Variants in FSIP2 observed in about 807,000 individuals in gnomAD.
FSIP2 encodes fibrous sheath interacting protein 2.
FSIP2 carries 367 observed loss-of-function variants against 510.5 expected under a neutral mutation model. That is an observed-to-expected ratio of 0.72 (90% CI 0.66 to 0.78). FSIP2 has a LOEUF of 0.78. FSIP2 is among the 30% of genes least tolerant of loss of function. The pLI, the probability that FSIP2 is intolerant of heterozygous loss-of-function variation, is 0.00. For synonymous variants in FSIP2, 2,601 were observed against 2,732.2 expected (o/e 0.95, Z 1.50); for missense variants, 7,594 against 7,901.7 (o/e 0.96, Z 1.48).
chr2:185,738,918 C>A lies in FSIP2; in HGVS notation c.24C>A (p.Cys8Ter), dbSNP rs1418229327. 5 of 1,534,984 alleles carry A rather than the reference C, an allele frequency of 3.3e-6. No homozygotes were observed. Among genetic ancestry groups the A allele is most frequent in the Non-Finnish European group, 4.4e-6 (5 of 1,146,712 alleles). The stretch of plus-strand genomic sequence containing the variant: ...CCATGGAGCTGTACCTCGGCGCCTG[C>A]TCCAAGCCTGCCAAAGTCGCCGTCA... MELYLGA[C>*]SKPAKVAVTK... Residue 8 changes from cysteine (C) to a stop codon, truncating the protein, a stop_gained, in exon 1 of 23, where the codon TGC becomes TGA. Transcript: ENST00000424728. LOFTEE classifies it high-confidence loss of function.
Position 185,807,382 on chromosome 2 carries a change from TCAA to T in FSIP2, c.18080_18082del (p.Thr6027del). 1.2e-6 allele frequency: 2 copies of T among 1,608,664 alleles called. No individual in the cohort carries two copies. The highest frequency in any genetic ancestry group is 1.7e-6 in the Non-Finnish European group (2 of 1,178,376). On this transcript the variant is annotated inframe_deletion, in exon 17 of 23. Coordinates refer to ENST00000424728, the MANE Select transcript of FSIP2 (RefSeq NM_173651.4). ...TTCTGCTCTTTTCTCCAAAATTTTCTCAACAATATCCAGCACAAAAACAAAAGA... is the reference window on the plus strand; with the variant it reads ...TTCTGCTCTTTTCTCCAAAATTTTCTCAATATCCAGCACAAAAACAAAAGA...
At position 185,753,791 on chromosome 2, in the gene FSIP2, G is replaced by A; in HGVS notation, c.940G>A (p.Glu314Lys). ...QKMQDTGFNG[E>K]DIGKNTFKYR... ...AATGCAAGATACTGGCTTTAACGGA[G>A]AAGATATAGGAAAAAATACATTTAA... The change falls in exon 8 of 23, where the codon GAA becomes AAA. Residue 314 changes from glutamate (E) to lysine (K), a missense_variant. Physicochemically the swap from Glu to Lys is moderately conservative, Grantham distance 56. Transcript: ENST00000424728. 6.8e-7 allele frequency: 1 copy of A among 1,477,888 alleles called. No homozygotes were observed. Among genetic ancestry groups the A allele is most frequent in the African/African-American group, 1.4e-5 (1 of 70,756 alleles). 91.5% of individuals were successfully genotyped at this position (1,477,888 alleles called of 1,614,324 possible). A position where few individuals can be genotyped will look rare whatever the true frequency, so the allele number is the denominator to read the frequency against.
chr2:185,766,093 G>C (rs1456472987), intron 13 of FSIP2: 2 of 151,982 alleles, frequency 1.3e-5, no homozygotes, highest in Non-Finnish European at 2.9e-5. Flanking sequence ...TCTGCAAACA[G>C]GGACAATTTG....
rs539151048 is a variant in FSIP2 at position 185,828,769 on chromosome 2, A to T, written c.20517+570A>T. ...TTTCTTATAAAGTTTCCAATGAGAA[A>T]TGAAGCTACACATCTTCGTCTGTGT... On this transcript the variant is annotated intron_variant, in intron 21 of 22. Coordinates refer to ENST00000424728, the MANE Select transcript of FSIP2 (RefSeq NM_173651.4). Among the ~76,000 whole-genome samples the T allele has an allele frequency of 2.6e-5, 4 of 152,012 alleles. No homozygotes were observed. The South Asian group carries it at 8.3e-4, about 31-fold the overall frequency.
At chr2:185,775,290 G>T (rs1341241719) in intron 13 of FSIP2, among the ~76,000 whole-genome samples, 4 of 150,314 alleles carry the variant, frequency 2.7e-5, no homozygotes, top group African/African-American at 9.8e-5. Context: ...GGGGTGAGAT[G>T]GTATCTCATT....
chr2:185,804,368 T>C lies in FSIP2; in HGVS notation c.15062T>C (p.Val5021Ala), dbSNP rs897840543. 6.7e-7 allele frequency: 1 copy of C among 1,499,484 alleles called. No individual in the cohort carries two copies. Among genetic ancestry groups the C allele is most frequent in the Non-Finnish European group, 8.8e-7 (1 of 1,131,680 alleles). The allele number at this position is 1,499,484 out of a possible 1,614,324, so 92.9% of individuals were successfully genotyped here. A position where few individuals can be genotyped will look rare whatever the true frequency, so the allele number is the denominator to read the frequency against. The change falls in exon 17 of 23, where the codon GTT (valine) becomes GCT (alanine). Residue 5021 changes from valine to alanine, a missense_variant. Physicochemically the swap from Val to Ala is moderately conservative, Grantham distance 64. Coordinates refer to ENST00000424728, the MANE Select transcript of FSIP2 (RefSeq NM_173651.4). Reference protein sequence around the residue: ...LCFSERYKEMVQKIVNSVYGK... With the variant: ...LCFSERYKEMAQKIVNSVYGK... ...TTCTCAGAAAGATACAAAGAAATGG[T>C]TCAAAAAATAGTCAACTCAGTATAT...
Position 185,791,601 on chromosome 2 carries a change from G to A in FSIP2, c.4465G>A (p.Asp1489Asn), listed in dbSNP as rs775865736. The change falls in exon 16 of 23, where the codon GAT becomes AAT. Residue 1489 changes from aspartate (D) to asparagine (N), a missense_variant. Physicochemically the swap from Asp to Asn is conservative, Grantham distance 23. Transcript: ENST00000424728. Reference sequence around the variant, plus strand: ...TCAGTTAATTTCTAAAGCAATTTTGGATTATATCCTTGCAAAATTATGTGG... The same window carrying A: ...TCAGTTAATTTCTAAAGCAATTTTGAATTATATCCTTGCAAAATTATGTGG... Reference protein sequence around the residue: ...NIQLISKAILDYILAKLCGVD... With the variant: ...NIQLISKAILNYILAKLCGVD... 13 of 1,534,120 alleles carry A rather than the reference G, an allele frequency of 8.5e-6. No individual in the cohort carries two copies. In the South Asian group the frequency reaches 1.3e-4, roughly 15 times the overall value.
In FSIP2 at chr2:185,797,276, T is replaced by G. The variant is rs1381369692; in HGVS notation, c.10140T>G (p.Ser3380Arg). The part of the protein sequence containing the change: ...VSGGQKDNEK[S>R]LLRMQDKKIN... The stretch of plus-strand genomic sequence containing the variant: ...GAGGGCAAAAGGATAACGAAAAAAG[T>G]TTGCTTAGAATGCAGGATAAAAAAA... Residue 3380 changes from serine to arginine, a missense_variant, in exon 16 of 23, where the codon AGT becomes AGG. By Grantham distance (110) the Ser-to-Arg change is moderately radical. Transcript: ENST00000424728. The G allele has an allele frequency of 5.9e-6, 9 of 1,534,068 alleles. No individual in the cohort carries two copies. Among genetic ancestry groups the G allele is most frequent in the Non-Finnish European group, 7.9e-6 (9 of 1,146,032 alleles).
chr2:185,818,519 A>G (rs1019717715), intron 19 of FSIP2, among the ~76,000 whole-genome samples: 1 of 151,976 alleles, frequency 6.6e-6, no homozygotes, highest in Non-Finnish European at 1.5e-5. Flanking sequence ...ATATCAAGAC[A>G]CATAATAATC....
At chr2:185,825,936 GTATAAAAT>G (rs1694006721) in intron 20 of FSIP2, among the ~76,000 whole-genome samples, 1 of 151,766 alleles carries the variant, frequency 6.6e-6, no homozygotes, top group Non-Finnish European at 1.5e-5. Flanking sequence ...TGATGGACCA[GTATAAAAT>G]AGTGGTCCCA....
In FSIP2 at chr2:185,739,358, A is replaced by C. The variant is rs1691874178; in HGVS notation, c.112A>C (p.Thr38Pro). 1 of 1,530,714 alleles carries C rather than the reference A, an allele frequency of 6.5e-7. No individual in the cohort carries two copies. The highest frequency in any genetic ancestry group is 2.0e-5 in the Admixed American group (1 of 49,442). The allele number at this position is 1,530,714 out of a possible 1,614,324, so 94.8% of individuals were successfully genotyped here. A position where few individuals can be genotyped will look rare whatever the true frequency, so the allele number is the denominator to read the frequency against. The change falls in exon 2 of 23, where the codon ACC (threonine) becomes CCC (proline). Residue 38 changes from threonine to proline, a missense_variant. By Grantham distance (38) the Thr-to-Pro change is conservative. Transcript: ENST00000424728. The stretch of plus-strand genomic sequence containing the variant: ...TTGTGTCTGACAGGGCGTGCACAAA[A>C]CCCACTTTGCAGGGGTTGGACCGGC... The part of the protein sequence containing the change: ...TQQCRDGVHK[T>P]HFAGVGPAQL...
chr2:185,745,552 C>A lies in FSIP2; in HGVS notation c.601C>A (p.Arg201=), dbSNP rs755540136. The A allele has an allele frequency of 1.3e-6, 2 of 1,533,854 alleles. No individual in the cohort carries two copies. The highest frequency in any genetic ancestry group is 2.4e-5 in the South Asian group (2 of 83,766). ...CACTGAATCTATTAAGGACCAGGAG[C>A]GGCTGATGAGGCATAGGTAAGATTA... ...EGTESIKDQE[R]LMRHRYLDMI... The change falls in exon 5 of 23, where the codon CGG becomes AGG. Residue 201 remains arginine, a synonymous_variant. Transcript: ENST00000424728.
At position 185,794,357 on chromosome 2, in the gene FSIP2, G is replaced by T; in HGVS notation, c.7221G>T (p.Lys2407Asn). The T allele has an allele frequency of 6.6e-7, 1 of 1,515,732 alleles. No homozygotes were observed. The highest frequency in any genetic ancestry group is 8.8e-7 in the Non-Finnish European group (1 of 1,138,506). The allele number at this position is 1,515,732 out of a possible 1,614,324, so 93.9% of individuals were successfully genotyped here. A position where few individuals can be genotyped will look rare whatever the true frequency, so the allele number is the denominator to read the frequency against. The change falls in exon 16 of 23, where the codon AAG becomes AAT. Residue 2407 changes from lysine (K) to asparagine (N), a missense_variant. Lys to Asn is a moderately conservative substitution (Grantham distance 94). Coordinates refer to ENST00000424728, the MANE Select transcript of FSIP2 (RefSeq NM_173651.4). ...TGTTAGATGATAAAAGATCTGTAAA[G>T]GAAATTTGTTTTAATTCAAAAGAAA... ...LKMLDDKRSV[K>N]EICFNSKENS...
chr2:185,789,360 A>G lies in FSIP2; in HGVS notation c.2224A>G (p.Lys742Glu), dbSNP rs1559025095. ...EVFVEQCERE[K>E]EILLSNAHIP... ...TTTTGTTGAACAATGTGAACGTGAA[A>G]AAGAAATCTTGCTTTCCAATGCTCA... The change falls in exon 16 of 23, where the codon AAA becomes GAA. Residue 742 changes from lysine to glutamate, a missense_variant. Coordinates refer to ENST00000424728, the MANE Select transcript of FSIP2 (RefSeq NM_173651.4). 1.3e-6 allele frequency: 2 copies of G among 1,535,072 alleles called. No individual in the cohort carries two copies.
chr2:185,803,800 GA>G lies in FSIP2; in HGVS notation c.14497del (p.Ile4833LeufsTer4). ...TAATACAGTGATAAAACTGATAAAT[GA>G]AATTATGTCAATAATTTCAAAACAT... ...LSNTVIKLIN[E>X]IMSIISKHEI... On this transcript the variant is annotated frameshift_variant, in exon 17 of 23. Transcript: ENST00000424728. LOFTEE classifies it high-confidence loss of function. The G allele has an allele frequency of 4.6e-6, 7 of 1,515,954 alleles. No individual in the cohort carries two copies. Among genetic ancestry groups the G allele is most frequent in the Non-Finnish European group, 5.3e-6 (6 of 1,136,108 alleles). 93.9% of individuals were successfully genotyped at this position (1,515,954 alleles called of 1,614,324 possible).
In FSIP2 at chr2:185,806,004, G is replaced by C. The variant is rs1693564248; in HGVS notation, c.16698G>C (p.Lys5566Asn). The change falls in exon 17 of 23, where the codon AAG becomes AAC. Residue 5566 changes from lysine (K) to asparagine (N), a missense_variant. Coordinates refer to ENST00000424728, the MANE Select transcript of FSIP2 (RefSeq NM_173651.4). ...SETFNNNEIEKKRNLIPTDKK... is the reference protein window; with the variant it reads ...SETFNNNEIENKRNLIPTDKK... ...CATTTAATAATAATGAAATTGAGAA[G>C]AAAAGAAATTTAATTCCAACAGATA... 1.3e-6 allele frequency: 2 copies of C among 1,554,254 alleles called. No individual in the cohort carries two copies. The highest frequency in any genetic ancestry group is 1.7e-6 in the Non-Finnish European group (2 of 1,153,546).
chr2:185,768,558 G>A (rs546124497), intron 13 of FSIP2, among the ~76,000 whole-genome samples: 29 of 151,770 alleles, frequency 1.9e-4, no homozygotes, highest in Middle Eastern at 3.4e-3. Flanking sequence ...TTTTTAATTG[G>A]CATATAGTTA....
intron 19 of FSIP2, among the ~76,000 whole-genome samples, 176 bp downstream of exon 19, chr2:185,815,647 G>A (rs1260225908): frequency 6.6e-6 from 1 of 151,962 alleles, no homozygotes; most frequent in African/African-American, 2.4e-5. Flanking sequence ...CTTGCTATCT[G>A]TTCCTTTATT....
chr2:185,802,287 T>A lies in FSIP2; in HGVS notation c.12981T>A (p.Thr4327=), dbSNP rs1379194977. 1 of 1,533,674 alleles carries A rather than the reference T, an allele frequency of 6.5e-7. No homozygotes were observed. The highest frequency in any genetic ancestry group is 1.4e-5 in the African/African-American group (1 of 72,816). The change falls in exon 17 of 23, where the codon ACT becomes ACA. Residue 4327 remains threonine (T), a synonymous_variant. Transcript: ENST00000424728. ...AGATTTTCAGCCCAAAGCATAACAC[T>A]GAAATTGAGTTGAAAAACATGACCC... The part of the protein sequence containing the change: ...LSKIFSPKHN[T]EIELKNMTQR...
Sources: gnomAD v4.1 joint callset for allele counts (sites outside exome capture counted in the v4.1 genomes callset) on GRCh38, gnomAD v4.1.1 for gene constraint, MANE v1.5 for transcripts, NCBI Gene and HGNC (gene_info 2026-07-23, HGNC 2026-07-21) for gene names.